MAN2A1: variants seen among roughly 807,000 people sequenced by gnomAD.
MAN2A1 encodes alpha-mannosidase 2.
MAN2A1 carries 76 observed loss-of-function variants against 142.6 expected under a neutral mutation model. The ratio of observed to expected loss-of-function variants is 0.53; its 90% CI spans 0.44 to 0.65. The LOEUF (loss-of-function observed/expected upper bound fraction) is 0.65. Among genes scored for constraint, MAN2A1 ranks in the 30% least tolerant of loss-of-function variants. The pLI, the probability that MAN2A1 is intolerant of heterozygous loss-of-function variation, is 0.00. For missense variants in MAN2A1, 1,311 were observed against 1,365.1 expected (o/e 0.96, Z 0.62); for synonymous variants, 559 against 473.2 (o/e 1.18, Z -2.35).
In MAN2A1 at chr5:109,732,390, A is replaced by T. The variant is rs552313090; in HGVS notation, c.707+2877A>T. Among the ~76,000 whole-genome samples the T allele has an allele frequency of 2.6e-4, 40 of 151,952 alleles. 1 individual carries two copies. The South Asian group carries it at 7.3e-3, about 28-fold the overall frequency. On this transcript the variant is annotated intron_variant, in intron 4 of 21. Transcript: ENST00000261483. ...AATTAGATCCCATTTGTCAATTTTG[A>T]CTTTTGTTTCCATTGCTTTTGGTGT...
intron 1 of MAN2A1, among the ~76,000 whole-genome samples, chr5:109,692,271 A>T (rs543189410): frequency 6.6e-6 from 1 of 152,236 alleles, no homozygotes; most frequent in African/African-American, 2.4e-5. Context: ...TTTAAGCGTA[A>T]AGCATTTGAT....
At chr5:109,714,082 AT>A (rs970149516) in intron 2 of MAN2A1, among the ~76,000 whole-genome samples, 2 of 149,934 alleles carry the variant, frequency 1.3e-5, no homozygotes, top group African/African-American at 4.9e-5. Flanking sequence ...TTTGCCAGAG[AT>A]TTTTTTTTAC....
rs1435171166 is a variant in MAN2A1, at chr5:109,729,322, A to G, written c.536-20A>G. 1.9e-6 allele frequency: 3 copies of G among 1,557,992 alleles called. No individual in the cohort carries two copies. The highest frequency in any genetic ancestry group is 1.2e-5 in the South Asian group (1 of 84,828). ...GCCATACGAATTAGACCTTTGTGGT[A>G]TATTTGTGTCTTGATTTAGGTTGGT... On this transcript the variant is annotated intron_variant, in intron 3 of 21. Transcript: ENST00000261483.
At chr5:109,698,460 A>G (rs1206351451) in intron 1 of MAN2A1, among the ~76,000 whole-genome samples, 1 of 152,258 alleles carries the variant, frequency 6.6e-6, no homozygotes, top group Non-Finnish European at 1.5e-5. Flanking sequence ...TTTAAATTGC[A>G]GTATACTGAG....
chr5:109,860,283 C>T (rs1755722552), intron 20 of MAN2A1, among the ~76,000 whole-genome samples: 1 of 152,124 alleles, frequency 6.6e-6, no homozygotes, highest in South Asian at 2.1e-4. Flanking sequence ...TTGATCAAAA[C>T]AGGATAGCTA....
intron 4 of MAN2A1, 92 bp downstream of exon 4, chr5:109,729,605 A>C: frequency 1.5e-6 from 1 of 676,402 alleles, no homozygotes. Flanking sequence ...GAAAATTCTT[A>C]GCTTTATATT....
rs569264391 is a variant in MAN2A1, at chr5:109,815,401, G to A, written c.1944-1872G>A. Among the ~76,000 whole-genome samples the A allele has an allele frequency of 2.0e-5, 3 of 152,234 alleles. No homozygotes were observed. The East Asian group carries it at 5.8e-4, about 29-fold the overall frequency. On this transcript the variant is annotated intron_variant, in intron 12 of 21. Transcript: ENST00000261483. ...GTACTAGGAGGATTCGTTGCTCTTT[G>A]TAAATATGTTTGTGACTATGTGGTT...
At chr5:109,772,663 T>G (rs1753180817) in intron 7 of MAN2A1, among the ~76,000 whole-genome samples, 2 of 152,056 alleles carry the variant, frequency 1.3e-5, no homozygotes, top group African/African-American at 2.4e-5. Flanking sequence ...CATGCCACAA[T>G]GCTCGACTAA....
intron 20 of MAN2A1, chr5:109,863,694 CTGTT>C (rs1755811485): frequency 6.6e-6 from 1 of 152,102 alleles, no homozygotes. Context: ...TGATAGAGTC[CTGTT>C]TCTTATTCTT....
At chr5:109,737,837 G>T (rs766368267) in intron 4 of MAN2A1, among the ~76,000 whole-genome samples, 1 of 152,190 alleles carries the variant, frequency 6.6e-6, no homozygotes, top group African/African-American at 2.4e-5. Context: ...AAGTTTGCTT[G>T]TGGAAGGGTG....
intron 1 of MAN2A1, among the ~76,000 whole-genome samples, chr5:109,712,011 G>A (rs7724365): frequency 0.74 from 111,953 of 151,858 alleles, 42,344 homozygotes; most frequent in East Asian, 0.94. Context: ...TTCTTCTCTA[G>A]CATCAGGCTG....
chr5:109,739,320 A>G (rs1196200104), intron 4 of MAN2A1, among the ~76,000 whole-genome samples: 1 of 152,198 alleles, frequency 6.6e-6, no homozygotes. Context: ...ATTTCCACCT[A>G]TCAATTCAAA....
rs1755947903 is a variant in MAN2A1 at position 109,868,873 on chromosome 5, G to A, written c.*1875G>A. 1 of 152,138 alleles carries A rather than the reference G, an allele frequency of 6.6e-6. No homozygotes were observed. The highest frequency in any genetic ancestry group is 1.5e-5 in the Non-Finnish European group (1 of 68,036). 9.4% of individuals were successfully genotyped at this position (152,138 alleles called of 1,614,324 possible). On this transcript the variant is annotated 3_prime_UTR_variant, in exon 22 of 22. Transcript: ENST00000261483. Reference sequence around the variant, plus strand: ...TCTTAAATGTATAACCTTCCTGTGGGAGTTCAGTTTGTCTGTGGTTAAGTG... The same window carrying A: ...TCTTAAATGTATAACCTTCCTGTGGAAGTTCAGTTTGTCTGTGGTTAAGTG...
At chr5:109,820,388 A>G (rs781495878) in intron 15 of MAN2A1, 46 bp downstream of exon 15, 8 of 1,546,246 alleles carry the variant, frequency 5.2e-6, no homozygotes, top group Non-Finnish European at 7.0e-6. Context: ...CACTTATTGA[A>G]AGAGTATTGA....
At chr5:109,724,298 G>T (rs1170004466) in intron 3 of MAN2A1, among the ~76,000 whole-genome samples, 1 of 152,044 alleles carries the variant, frequency 6.6e-6, no homozygotes, top group Non-Finnish European at 1.5e-5. Context: ...AGGGGGAAAG[G>T]GTTGAAAAAC....
At chr5:109,695,000 T>C (rs1750773457) in intron 1 of MAN2A1, among the ~76,000 whole-genome samples, 1 of 152,198 alleles carries the variant, frequency 6.6e-6, no homozygotes, top group Admixed American at 6.5e-5. Context: ...TTTTGGGAAG[T>C]GATGGAACGT....
intron 2 of MAN2A1, 119 bp downstream of exon 2, chr5:109,713,893 C>T: frequency 2.2e-6 from 2 of 901,242 alleles, no homozygotes; most frequent in Non-Finnish European, 1.7e-6. Context: ...TCTAGTTTCT[C>T]TTTTTGTAAA....
At position 109,774,901 on chromosome 5, in the gene MAN2A1, T is replaced by C. The variant is rs763665009; in HGVS notation, c.1310T>C (p.Leu437Ser). ...FRYCEYTEWD[L>S]QFKNYQQLFD... ...TACTGTGAATACACGGAATGGGATT[T>C]ACAGTTTAAGAATTATCAGCAGCTT... Residue 437 changes from leucine (L) to serine (S), a missense_variant, in exon 8 of 22, where the codon TTA becomes TCA. Leu to Ser is a moderately radical substitution (Grantham distance 145). This residue lies in a region of MAN2A1 where 890 missense variants were observed against 920.5 expected (regional missense o/e 0.97). Coordinates refer to ENST00000261483, the MANE Select transcript of MAN2A1 (RefSeq NM_002372.4). 4.2e-5 allele frequency: 67 copies of C among 1,611,144 alleles called. 1 individual carries two copies. The South Asian group carries it at 7.4e-4, about 18-fold the overall frequency.
chr5:109,854,058 A>T (rs1755548235), intron 19 of MAN2A1: 2 of 152,306 alleles, frequency 1.3e-5, no homozygotes, highest in African/African-American at 4.8e-5. Context: ...ATATCTCTAT[A>T]AATCCTGTCT....
Sources: allele counts gnomAD v4.1 joint callset (sites outside exome capture counted in the v4.1 genomes callset), GRCh38; gene constraint gnomAD v4.1.1; regional missense constraint gnomAD v4.1.1; transcripts MANE v1.5; gene names NCBI Gene and HGNC (gene_info 2026-07-23, HGNC 2026-07-21).